The following KCNT2 variants were observed in gnomAD, a reference collection of about 807,000 sequenced individuals.
KCNT2 encodes the protein potassium sodium-activated channel subfamily T member 2.
Under a neutral mutation model 153.8 loss-of-function variants are expected in KCNT2, and 67 were observed. That is an observed-to-expected ratio of 0.44 (90% CI 0.36 to 0.53). KCNT2 has a LOEUF of 0.53. Among genes scored for constraint, KCNT2 ranks in the 20% least tolerant of loss-of-function variants. The pLI is 0.00. For missense variants in KCNT2, 975 were observed against 1,354.8 expected (o/e 0.72, Z 4.40); for synonymous variants, 500 against 458.8 (o/e 1.09, Z -1.15).
rs956107840 is a variant in KCNT2 at position 196,226,267 on chromosome 1, A to C, written c.*1957T>G. On this transcript the variant is annotated 3_prime_UTR_variant, in exon 28 of 28. Coordinates refer to ENST00000294725, the MANE Select transcript of KCNT2 (RefSeq NM_198503.5). ...AAAAATAATGAAGTAAAAAAAGTCA[A>C]CTTAAAGAAACATCATACTTGACTC... 6.6e-6 allele frequency: 1 copy of C among 152,048 alleles called. No individual in the cohort carries two copies. The highest frequency in any genetic ancestry group is 1.5e-5 in the Non-Finnish European group (1 of 67,900). 9.4% of individuals were successfully genotyped at this position (152,048 alleles called of 1,614,324 possible).
At chr1:196,235,187 A>C (rs1654320730) in intron 27 of KCNT2, among the ~76,000 whole-genome samples, 1 of 151,420 alleles carries the variant, frequency 6.6e-6, no homozygotes, top group Admixed American at 6.6e-5. Flanking sequence ...TTTCTACTCC[A>C]GTCAAATTGA....
chr1:196,288,335 G>A (rs1659869683), intron 22 of KCNT2, among the ~76,000 whole-genome samples: 1 of 151,872 alleles, frequency 6.6e-6, no homozygotes, highest in African/African-American at 2.4e-5. Context: ...GAAAAATAAT[G>A]ATATAAGTTG....
chr1:196,340,551 C>T lies in KCNT2; in HGVS notation c.1573G>A (p.Gly525Ser). The T allele has an allele frequency of 1.3e-6, 2 of 1,569,368 alleles. No homozygotes were observed. Among genetic ancestry groups the T allele is most frequent in the Non-Finnish European group, 1.7e-6 (2 of 1,160,360 alleles). ...AHKKFGVCLIGVRREDNKNIL... is the reference protein window; with the variant it reads ...AHKKFGVCLISVRREDNKNIL... The stretch of plus-strand genomic sequence containing the variant: ...TTTTTATTATCCTCCCTCCTAACAC[C>T]AATCAAGCAGACGCCAAACCTTAAT... Residue 525 changes from glycine to serine, a missense_variant, in exon 16 of 28, where the codon GGT becomes AGT. Physicochemically the swap from Gly to Ser is moderately conservative, Grantham distance 56. This residue lies in a region of KCNT2 where 325 missense variants were observed against 388.1 expected (regional missense o/e 0.84). Coordinates refer to ENST00000294725, the MANE Select transcript of KCNT2 (RefSeq NM_198503.5).
chr1:196,585,034 T>G (rs977556586), intron 1 of KCNT2, among the ~76,000 whole-genome samples: 1 of 152,104 alleles, frequency 6.6e-6, no homozygotes, highest in Admixed American at 6.6e-5. Flanking sequence ...AGAAGAGGCT[T>G]ATCATTCAGT....
intron 13 of KCNT2, among the ~76,000 whole-genome samples, chr1:196,374,269 T>C (rs1197813498): frequency 1.3e-5 from 2 of 151,818 alleles, no homozygotes; most frequent in Non-Finnish European, 2.9e-5. Flanking sequence ...ATAAAATGAA[T>C]ACATAACACC....
intron 1 of KCNT2, among the ~76,000 whole-genome samples, chr1:196,600,341 C>T (rs559221651): frequency 6.6e-6 from 1 of 152,314 alleles, no homozygotes; most frequent in Non-Finnish European, 1.5e-5. Flanking sequence ...AAGCCAAATA[C>T]ACATAAACAA....
Position 196,604,130 on chromosome 1 carries a change from C to A in KCNT2, c.95+4085G>T, listed in dbSNP as rs560706735. On this transcript the variant is annotated intron_variant, in intron 1 of 27. Transcript: ENST00000294725. ...AGCTATCTCTAATATGTGATTTCAA[C>A]TACTTTATTTTCAAGCAAATGCTGA... is the stretch of plus-strand genomic sequence containing the variant. 3.3e-5 allele frequency among the ~76,000 whole-genome samples: 5 copies of A among 152,284 alleles called. No individual in the cohort carries two copies. The East Asian group carries it at 9.6e-4, about 29-fold the overall frequency.
chr1:196,574,828 G>A (rs1661167805), intron 1 of KCNT2, among the ~76,000 whole-genome samples: 1 of 151,586 alleles, frequency 6.6e-6, no homozygotes, highest in Admixed American at 6.6e-5. Context: ...ACATAAGAAG[G>A]GTTTTTTCTT....
intron 1 of KCNT2, among the ~76,000 whole-genome samples, chr1:196,548,655 A>G (rs952411995): frequency 4.6e-5 from 7 of 151,976 alleles, no homozygotes; most frequent in Non-Finnish European, 7.4e-5. Flanking sequence ...CCATTACTGC[A>G]TATATACCCA....
In KCNT2 at chr1:196,416,372, C is replaced by A. The variant is rs1030139431; in HGVS notation, c.1185+6678G>T. Among the ~76,000 whole-genome samples, 4 of 151,938 alleles carry A rather than the reference C, an allele frequency of 2.6e-5. No homozygotes were observed. In the South Asian group the frequency reaches 6.2e-4, roughly 24 times the overall value. On this transcript the variant is annotated intron_variant, in intron 12 of 27. Coordinates refer to ENST00000294725, the MANE Select transcript of KCNT2 (RefSeq NM_198503.5). ...GAGGTTGCCAAGATCTATAGTAAGA[C>A]CGAATACTCTATCCATGAAATTGTG...
At chr1:196,554,991 C>T (rs1658453882) in intron 1 of KCNT2, among the ~76,000 whole-genome samples, 1 of 150,994 alleles carries the variant, frequency 6.6e-6, no homozygotes, top group South Asian at 2.1e-4. Flanking sequence ...CAAACTTCAA[C>T]ATAATAAAAG....
intron 26 of KCNT2, among the ~76,000 whole-genome samples, chr1:196,240,864 T>C (rs1279789168): frequency 6.6e-6 from 1 of 152,042 alleles, no homozygotes; most frequent in African/African-American, 2.4e-5. Flanking sequence ...TATATCACTT[T>C]GATTGCTTTG....
intron 5 of KCNT2, among the ~76,000 whole-genome samples, chr1:196,478,361 A>G (rs767294144): frequency 6.6e-6 from 1 of 152,184 alleles, no homozygotes; most frequent in African/African-American, 2.4e-5. Flanking sequence ...CTGAATTTCA[A>G]TTACAGAATC....
intron 22 of KCNT2, among the ~76,000 whole-genome samples, chr1:196,303,076 T>C (rs1241393099): frequency 1.3e-5 from 2 of 152,064 alleles, no homozygotes; most frequent in African/African-American, 4.8e-5. Context: ...GCATTTTCTT[T>C]AGAAAACTTG....
intron 27 of KCNT2, among the ~76,000 whole-genome samples, chr1:196,230,394 A>G (rs1429501941): frequency 2.0e-5 from 3 of 152,046 alleles, no homozygotes; most frequent in African/African-American, 7.2e-5. Flanking sequence ...CTTAAAAAAA[A>G]GACTTCAAAA....
intron 2 of KCNT2, 147 bp downstream of exon 2, chr1:196,492,115 T>C (rs1207496767): frequency 2.7e-6 from 2 of 750,174 alleles, no homozygotes; most frequent in East Asian, 4.8e-5. Context: ...CTGGAAAAAA[T>C]AACCAATTTT....
chr1:196,340,283 A>AT, intron 16 of KCNT2, 58 bp downstream of exon 16: 1 of 1,062,024 alleles, frequency 9.4e-7, no homozygotes. Flanking sequence ...ATTGGTATTT[A>AT]TCATTATTTT....
intron 22 of KCNT2, among the ~76,000 whole-genome samples, chr1:196,299,898 A>C (rs1661020893): frequency 6.6e-6 from 1 of 152,250 alleles, no homozygotes; most frequent in African/African-American, 2.4e-5. Flanking sequence ...ATATGTATAC[A>C]CAACGGAATA....
At chr1:196,367,776 C>T (rs1169276205) in intron 14 of KCNT2, among the ~76,000 whole-genome samples, 2 of 152,102 alleles carry the variant, frequency 1.3e-5, no homozygotes, top group Non-Finnish European at 2.9e-5. Flanking sequence ...CTTAATGTTT[C>T]AGGATGCTTG....
Sources: gnomAD v4.1 joint callset for allele counts (sites outside exome capture counted in the v4.1 genomes callset) on GRCh38, gnomAD v4.1.1 for gene constraint, gnomAD v4.1.1 regional missense constraint, MANE v1.5 for transcripts, NCBI Gene and HGNC (gene_info 2026-07-23, HGNC 2026-07-21) for gene names.